The following COL19A1 variants were observed in gnomAD, a reference collection of about 807,000 sequenced individuals.
The protein encoded by COL19A1 is collagen type XIX alpha 1 chain, also known as collagen alpha-1(XIX) chain.
A neutral mutation model predicts 190.2 loss-of-function variants in COL19A1; 159 were observed. The observed-to-expected ratio is 0.84, with a 90% CI of 0.73 to 0.95. COL19A1 has a LOEUF of 0.95. COL19A1 is among the 40% of genes least tolerant of loss of function. The pLI is 0.00. For missense variants in COL19A1, 1,418 were observed against 1,431.9 expected, an observed-to-expected ratio of 0.99 and a Z score of 0.16; for synonymous variants, 509 against 458.9, an observed-to-expected ratio of 1.11 and a Z score of -1.39.
chr6:70,053,652 T>C (rs1269455000), intron 14 of COL19A1, among the ~76,000 whole-genome samples: 2 of 152,232 alleles, frequency 1.3e-5, no homozygotes, highest in Non-Finnish European at 2.9e-5. Context: ...ATTTTTTCAT[T>C]GACCTGCAAT....
At chr6:70,059,834 A>G (rs1483328230) in intron 14 of COL19A1, 1 of 507,976 alleles carries the variant, frequency 2.0e-6, no homozygotes, top group East Asian at 5.5e-5. Context: ...TTTAGAAATA[A>G]CTCAATTTAC....
At chr6:69,891,204 A>C (rs116719365) in intron 2 of COL19A1, 53 of 81,606 alleles carry the variant, frequency 6.5e-4, no homozygotes, top group Middle Eastern at 5.1e-3. Context: ...CCCAGCTAGC[A>C]AAAAAAAAAA....
chr6:70,074,801 A>G (rs1320623971), intron 15 of COL19A1, among the ~76,000 whole-genome samples: 1 of 152,148 alleles, frequency 6.6e-6, no homozygotes, highest in Admixed American at 6.6e-5. Flanking sequence ...CAAAACTGAC[A>G]ATGACCTTTA....
intron 16 of COL19A1, among the ~76,000 whole-genome samples, chr6:70,105,602 T>C (rs1434244256): frequency 6.6e-6 from 1 of 152,216 alleles, no homozygotes; most frequent in Non-Finnish European, 1.5e-5. Flanking sequence ...AACATTATTG[T>C]TTTTCATTTA....
At chr6:70,079,869 G>A (rs569190418) in intron 15 of COL19A1, among the ~76,000 whole-genome samples, 5 of 151,514 alleles carry the variant, frequency 3.3e-5, no homozygotes, top group East Asian at 1.9e-4. Flanking sequence ...TCTCATAAGT[G>A]TATATATATA....
rs531578264 is a variant in COL19A1 at position 70,142,661 on chromosome 6, C to T, written c.1573-106C>T. 4 of 948,940 alleles carry T rather than the reference C, an allele frequency of 4.2e-6. No homozygotes were observed. In the South Asian group the frequency reaches 6.9e-5, roughly 16 times the overall value. The allele number at this position is 948,940 out of a possible 1,614,324, so 58.8% of individuals were successfully genotyped here. A position where few individuals can be genotyped will look rare whatever the true frequency, so the allele number is the denominator to read the frequency against. ...GAAAGTGGGATGGTGGAAAGTTGGT[C>T]TTCCTATACATGAAGATCACACTAT... On this transcript the variant is annotated intron_variant, in intron 22 of 50. Coordinates refer to ENST00000620364, the MANE Select transcript of COL19A1 (RefSeq NM_001858.6).
rs531678505 is a variant in COL19A1, at chr6:70,155,383, A to G, written c.2080-744A>G. On this transcript the variant is annotated intron_variant, in intron 31 of 50. Transcript: ENST00000620364. ...GGTCATATTCTTATTCCAACAATTT[A>G]TTTAAAAATAAGCCTATATAGAGCT... Among the ~76,000 whole-genome samples, 182 of 152,202 alleles carry G rather than the reference A, an allele frequency of 1.2e-3. 1 individual carries two copies. The highest frequency in any genetic ancestry group is 4.2e-3 in the African/African-American group (176 of 41,558).
intron 17 of COL19A1, among the ~76,000 whole-genome samples, chr6:70,127,351 G>A (rs1174183455): frequency 7.9e-5 from 12 of 152,138 alleles, no homozygotes; most frequent in Non-Finnish European, 1.8e-4. Flanking sequence ...GAGAATATGT[G>A]TGTCAGGAAA....
intron 15 of COL19A1, among the ~76,000 whole-genome samples, chr6:70,096,263 A>T (rs565632877): frequency 5.5e-5 from 8 of 145,470 alleles, no homozygotes; most frequent in African/African-American, 2.0e-4. Context: ...TAATTTTTGT[A>T]TTTTTTTTTT....
At chr6:69,995,554 G>A (rs1305324138) in intron 11 of COL19A1, among the ~76,000 whole-genome samples, 2 of 151,284 alleles carry the variant, frequency 1.3e-5, no homozygotes, top group Non-Finnish European at 2.9e-5. Context: ...AGCATGCTCT[G>A]GGTAAGTTAG....
chr6:69,873,188 A>G (rs1767939856), intron 1 of COL19A1, among the ~76,000 whole-genome samples: 1 of 151,972 alleles, frequency 6.6e-6, no homozygotes, highest in Non-Finnish European at 1.5e-5. Flanking sequence ...AGCTAAGGGG[A>G]CCTGCCCACC....
chr6:70,135,638 A>G (rs1785817796), intron 18 of COL19A1, among the ~76,000 whole-genome samples: 1 of 152,180 alleles, frequency 6.6e-6, no homozygotes, highest in Admixed American at 6.5e-5. Flanking sequence ...GAAAGATTGT[A>G]TTGCAAAATC....
At chr6:70,101,388 T>C (rs1783622411) in intron 15 of COL19A1, among the ~76,000 whole-genome samples, 1 of 152,296 alleles carries the variant, frequency 6.6e-6, no homozygotes, top group Non-Finnish European at 1.5e-5. Context: ...GCTTTTTAAA[T>C]GTTATTAGAT....
At chr6:70,161,342 C>T (rs1393490730) in intron 34 of COL19A1, among the ~76,000 whole-genome samples, 4 of 152,100 alleles carry the variant, frequency 2.6e-5, no homozygotes, top group South Asian at 2.1e-4. Context: ...TTTACCAGTA[C>T]GAGATTCTTA....
chr6:69,886,399 G>A (rs1275622466), intron 2 of COL19A1, among the ~76,000 whole-genome samples: 1 of 152,188 alleles, frequency 6.6e-6, no homozygotes, highest in African/African-American at 2.4e-5. Context: ...GATTGGTATA[G>A]CCATTATGGA....
intron 14 of COL19A1, among the ~76,000 whole-genome samples, chr6:70,056,480 C>G (rs1266056255): frequency 6.6e-6 from 1 of 152,114 alleles, no homozygotes; most frequent in Non-Finnish European, 1.5e-5. Flanking sequence ...TTCTACATTT[C>G]CTTTCTGGTT....
intron 14 of COL19A1, among the ~76,000 whole-genome samples, chr6:70,046,259 C>A (rs552701081): frequency 8.5e-5 from 13 of 152,180 alleles, no homozygotes; most frequent in African/African-American, 3.1e-4. Context: ...TTTTCAGTAG[C>A]CAATTAATGG....
Position 70,156,718 on chromosome 6 carries a change from G to A in COL19A1, c.2287G>A (p.Asp763Asn). Reference sequence around the variant, plus strand: ...CCCTGGGATACCTGGGGAGAAAGGCGATGAGGTAACAGATTCTTTTCTGAT... The same window carrying A: ...CCCTGGGATACCTGGGGAGAAAGGCAATGAGGTAACAGATTCTTTTCTGAT... ...GYPGIPGEKG[D>N]EGLQGIPGIP... is the part of the protein sequence containing the mutation. The change falls in exon 34 of 51, where the codon GAT (aspartate) becomes AAT (asparagine). Residue 763 changes from aspartate (D) to asparagine (N), a missense_variant. Physicochemically the swap from Asp to Asn is conservative, Grantham distance 23. Transcript: ENST00000620364. The A allele has an allele frequency of 1.9e-6, 3 of 1,609,298 alleles. No homozygotes were observed. Among genetic ancestry groups the A allele is most frequent in the Admixed American group, 1.7e-5 (1 of 59,716 alleles).
chr6:70,156,541 G>T, intron 33 of COL19A1, 129 bp from the exon 34 acceptor site: 1 of 1,100,514 alleles, frequency 9.1e-7, no homozygotes, highest in Non-Finnish European at 1.3e-6. Context: ...ACTTGCAAAT[G>T]TTGCCATTTA....
Sources: allele counts gnomAD v4.1 joint callset (sites outside exome capture counted in the v4.1 genomes callset), GRCh38; gene constraint gnomAD v4.1.1; transcripts MANE v1.5; gene names NCBI Gene and HGNC (gene_info 2026-07-23, HGNC 2026-07-21).